RUNX2: variants seen among roughly 807,000 people sequenced by gnomAD.
The protein encoded by RUNX2 is runt-related transcription factor 2.
RUNX2 carries 10 observed loss-of-function variants against 51.7 expected under a neutral mutation model. That is an observed-to-expected ratio of 0.19 (90% CI 0.12 to 0.33). The LOEUF (loss-of-function observed/expected upper bound fraction) is 0.33, where lower values mean the gene tolerates loss of function less well. Among genes scored for constraint, RUNX2 ranks in the 10% least tolerant of loss-of-function variants. RUNX2 has a pLI of 1.00. For missense variants in RUNX2, 562 were observed against 691.3 expected, an observed-to-expected ratio of 0.81 and a Z score of 2.10; for synonymous variants, 276 against 273.6, an observed-to-expected ratio of 1.01 and a Z score of -0.09.
intron 2 of RUNX2, among the ~76,000 whole-genome samples, chr6:45,414,404 C>T (rs1266645658): frequency 6.6e-6 from 1 of 152,052 alleles, no homozygotes; most frequent in African/African-American, 2.4e-5. Context: ...TGATTTAGCT[C>T]AGTATTTTCT....
chr6:45,401,071 T>C lies in RUNX2; in HGVS notation c.59-21522T>C, dbSNP rs537371906. ...ATTGGAAATTTTTCGTAATAAGATA[T>C]TGAGAAAAACAAACAACAAAACAAA... is the stretch of plus-strand genomic sequence containing the variant. On this transcript the variant is annotated intron_variant, in intron 2 of 8. Transcript: ENST00000647337. Among the ~76,000 whole-genome samples, 3 of 152,328 alleles carry C rather than the reference T, an allele frequency of 2.0e-5. No homozygotes were observed. In the East Asian group the frequency reaches 5.8e-4, roughly 29 times the overall value.
chr6:45,428,734 A>G (rs1798453205), intron 3 of RUNX2, among the ~76,000 whole-genome samples: 1 of 151,720 alleles, frequency 6.6e-6, no homozygotes, highest in Non-Finnish European at 1.5e-5. Context: ...TATTGAATCA[A>G]TTTTCCATTT....
At chr6:45,329,148 T>C (rs933742347) in intron 2 of RUNX2, among the ~76,000 whole-genome samples, 1 of 152,000 alleles carries the variant, frequency 6.6e-6, no homozygotes, top group African/African-American at 2.4e-5. Context: ...TTATAAATTA[T>C]TGACTCCGGC....
chr6:45,350,982 G>C (rs185795423), intron 2 of RUNX2, among the ~76,000 whole-genome samples: 18 of 152,232 alleles, frequency 1.2e-4, no homozygotes, highest in Non-Finnish European at 2.1e-4. Context: ...ACCCTATAGT[G>C]AACTGCACAC....
intron 5 of RUNX2, among the ~76,000 whole-genome samples, chr6:45,457,314 C>T (rs182278972): frequency 6.6e-6 from 1 of 152,136 alleles, no homozygotes; most frequent in East Asian, 1.9e-4. Context: ...TAACCTTTCC[C>T]AACAGAAGAA....
chr6:45,344,332 T>C (rs185228526), intron 2 of RUNX2, among the ~76,000 whole-genome samples: 10 of 152,326 alleles, frequency 6.6e-5, no homozygotes, highest in Admixed American at 5.9e-4. Context: ...CTTGTCTGTA[T>C]ACTTATTTTT....
At position 45,483,504 on chromosome 6, in the gene RUNX2, C is replaced by T. The variant is rs377222363; in HGVS notation, c.686-8437C>T. Among the ~76,000 whole-genome samples the T allele has an allele frequency of 3.6e-4, 55 of 152,166 alleles. No homozygotes were observed. In the South Asian group the frequency reaches 0.011, roughly 30 times the overall value. On this transcript the variant is annotated intron_variant, in intron 5 of 8. Transcript: ENST00000647337. ...TTGTGCTAGACATAAAATGTGACAC[C>T]CATCCTTAAGGGGCTCTCAGTCAAG... is the stretch of plus-strand genomic sequence containing the variant.
At chr6:45,489,128 G>A (rs1208729317) in intron 5 of RUNX2, among the ~76,000 whole-genome samples, 1 of 152,194 alleles carries the variant, frequency 6.6e-6, no homozygotes, top group African/African-American at 2.4e-5. Flanking sequence ...TGTGGTTGCA[G>A]TGGTGTCTGT....
chr6:45,427,033 C>A (rs1798401651), intron 3 of RUNX2, among the ~76,000 whole-genome samples: 2 of 152,010 alleles, frequency 1.3e-5, no homozygotes, highest in African/African-American at 2.4e-5. Context: ...TTATGTAAAT[C>A]AATAGATTTC....
intron 2 of RUNX2, among the ~76,000 whole-genome samples, chr6:45,353,088 G>A (rs1390615643): frequency 6.6e-6 from 1 of 152,190 alleles, no homozygotes; most frequent in East Asian, 1.9e-4. Flanking sequence ...TCATTAGTCA[G>A]TTGTTTTTAC....
At chr6:45,454,103 T>C (rs1261621871) in intron 5 of RUNX2, among the ~76,000 whole-genome samples, 1 of 152,076 alleles carries the variant, frequency 6.6e-6, no homozygotes, top group Non-Finnish European at 1.5e-5. Flanking sequence ...CTGAGGATGG[T>C]GAATAGAGAA....
intron 5 of RUNX2, among the ~76,000 whole-genome samples, chr6:45,479,442 G>A (rs1204188369): frequency 6.6e-6 from 1 of 152,200 alleles, no homozygotes; most frequent in African/African-American, 2.4e-5. Flanking sequence ...TATAAAGCAT[G>A]TGGGGCCTTG....
intron 6 of RUNX2, among the ~76,000 whole-genome samples, chr6:45,493,329 C>T (rs969181709): frequency 6.6e-6 from 1 of 152,066 alleles, no homozygotes; most frequent in Non-Finnish European, 1.5e-5. Flanking sequence ...ATGTTTTAGA[C>T]TATATAAAAC....
chr6:45,402,673 C>T (rs1797738675), intron 2 of RUNX2, among the ~76,000 whole-genome samples: 1 of 152,040 alleles, frequency 6.6e-6, no homozygotes, highest in Non-Finnish European at 1.5e-5. Flanking sequence ...TCAAGACCGG[C>T]CTGAGCTACA....
At chr6:45,545,323 T>A in intron 8 of RUNX2, 41 bp downstream of exon 8, 2 of 1,543,340 alleles carry the variant, frequency 1.3e-6, no homozygotes, top group South Asian at 1.2e-5. Flanking sequence ...AGGGCTGGGC[T>A]GGGCTGGGCT....
chr6:45,370,556 T>C (rs1416495143), intron 2 of RUNX2, among the ~76,000 whole-genome samples: 3 of 152,244 alleles, frequency 2.0e-5, no homozygotes, highest in Non-Finnish European at 4.4e-5. Flanking sequence ...TTAATCAATA[T>C]AATAGAACTT....
intron 7 of RUNX2, among the ~76,000 whole-genome samples, chr6:45,539,495 A>G (rs1026694861): frequency 6.6e-6 from 1 of 152,194 alleles, no homozygotes; most frequent in African/African-American, 2.4e-5. Flanking sequence ...TATATATGGT[A>G]TATTTTCCTA....
At chr6:45,441,265 T>C (rs1015218173) in intron 5 of RUNX2, among the ~76,000 whole-genome samples, 6 of 152,210 alleles carry the variant, frequency 3.9e-5, no homozygotes, top group Admixed American at 3.9e-4. Flanking sequence ...TGAATATATA[T>C]TGAAAAGCCT....
At chr6:45,476,255 T>C (rs1799952882) in intron 5 of RUNX2, among the ~76,000 whole-genome samples, 1 of 152,186 alleles carries the variant, frequency 6.6e-6, no homozygotes, top group Non-Finnish European at 1.5e-5. Context: ...TTTGTTTCCA[T>C]ATTTCTCCTA....
Sources: allele counts gnomAD v4.1 joint callset (sites outside exome capture counted in the v4.1 genomes callset), GRCh38; gene constraint gnomAD v4.1.1; transcripts MANE v1.5; gene names NCBI Gene and HGNC (gene_info 2026-07-23, HGNC 2026-07-21).